The following SNX29 variants were observed in gnomAD, a reference collection of about 807,000 sequenced individuals.
The protein encoded by SNX29 is sorting nexin-29.
Under a neutral mutation model 102.1 loss-of-function variants are expected in SNX29, and 78 were observed. That is an observed-to-expected ratio of 0.76 (90% CI 0.64 to 0.92). SNX29 has a LOEUF of 0.92. SNX29 is among the 40% of genes least tolerant of loss of function. The pLI is 0.00. For missense variants in SNX29, 1,280 were observed against 1,061.7 expected, an observed-to-expected ratio of 1.21 and a Z score of -2.86; for synonymous variants, 580 against 414.5, an observed-to-expected ratio of 1.40 and a Z score of -4.85.
At position 12,009,479 on chromosome 16, in the gene SNX29, G is replaced by GTGTGTA. The variant is rs142139296; in HGVS notation, c.122+6437_122+6438insGTGTAT. On this transcript the variant is annotated intron_variant, in intron 3 of 20. Coordinates refer to ENST00000566228, the MANE Select transcript of SNX29 (RefSeq NM_032167.5). The stretch of plus-strand genomic sequence containing the variant: ...TATATATGTGTGTGTGTGTGTGTGT[G>GTGTGTA]TATATATATATATGTATATTTGATC... Among the ~76,000 whole-genome samples the GTGTGTA allele has an allele frequency of 3.5e-3, 527 of 150,004 alleles. 3 individuals are homozygous for GTGTGTA. Among genetic ancestry groups the GTGTGTA allele is most frequent in the Non-Finnish European group, 4.9e-3 (329 of 67,544 alleles).
At chr16:12,252,929 C>A (rs139741457) in intron 14 of SNX29, among the ~76,000 whole-genome samples, 15 of 152,360 alleles carry the variant, frequency 9.8e-5, no homozygotes, top group African/African-American at 3.1e-4. Flanking sequence ...TCCTTCATCG[C>A]AAGCCATCTT....
chr16:12,506,921 T>G (rs1461196808), intron 19 of SNX29, among the ~76,000 whole-genome samples: 1 of 151,200 alleles, frequency 6.6e-6, no homozygotes, highest in Non-Finnish European at 1.5e-5. Context: ...CGATCACCAC[T>G]CATTTTTGCA....
intron 19 of SNX29, among the ~76,000 whole-genome samples, chr16:12,523,570 T>G (rs1287098071): frequency 6.6e-6 from 1 of 152,130 alleles, no homozygotes; most frequent in African/African-American, 2.4e-5. Flanking sequence ...CAGGCCAACG[T>G]GACAGTGTGG....
At chr16:12,508,484 C>T (rs1401340979) in intron 19 of SNX29, among the ~76,000 whole-genome samples, 1 of 152,214 alleles carries the variant, frequency 6.6e-6, no homozygotes, top group South Asian at 2.1e-4. Context: ...TTGATCTGCA[C>T]TGTGATATTC....
intron 19 of SNX29, among the ~76,000 whole-genome samples, chr16:12,497,907 C>G (rs1262703421): frequency 6.6e-6 from 1 of 152,206 alleles, no homozygotes; most frequent in African/African-American, 2.4e-5. Flanking sequence ...GTCATTGGTT[C>G]ATCCCTGGAT....
chr16:12,556,963 T>A (rs539367211), intron 20 of SNX29, among the ~76,000 whole-genome samples: 1 of 144,890 alleles, frequency 6.9e-6, no homozygotes, highest in East Asian at 2.0e-4. Context: ...GTCTTCCCAC[T>A]TCTGCCTCAT....
intron 20 of SNX29, among the ~76,000 whole-genome samples, chr16:12,540,505 C>T (rs895885908): frequency 4.6e-5 from 7 of 152,230 alleles, no homozygotes; most frequent in African/African-American, 7.2e-5. Flanking sequence ...GGCGCCTTCT[C>T]GAGGTTGTGG....
At chr16:12,219,061 A>C (rs1359607664) in intron 14 of SNX29, among the ~76,000 whole-genome samples, 1 of 152,186 alleles carries the variant, frequency 6.6e-6, no homozygotes, top group Non-Finnish European at 1.5e-5. Context: ...GGTGTGAGCC[A>C]CCGCGCCTGG....
chr16:12,129,589 G>C (rs772765690), intron 12 of SNX29, 41 bp from the exon 13 acceptor site: 1 of 1,577,626 alleles, frequency 6.3e-7, no homozygotes, highest in East Asian at 2.3e-5. Context: ...AGTGGGGTCT[G>C]GGTTGACAGC....
At chr16:12,186,694 T>G (rs576306222) in intron 13 of SNX29, among the ~76,000 whole-genome samples, 4 of 152,230 alleles carry the variant, frequency 2.6e-5, no homozygotes, top group Admixed American at 6.5e-5. Context: ...CTCCACAGCT[T>G]CTTTGTCTTT....
chr16:12,043,055 C>T lies in SNX29; in HGVS notation c.406C>T (p.Leu136=). 6.2e-7 allele frequency: 1 copy of T among 1,613,430 alleles called. No individual in the cohort carries two copies. Among genetic ancestry groups the T allele is most frequent in the East Asian group, 2.2e-5 (1 of 44,880 alleles). ...CCTGGAGCGCTACCTGCACATGCTCCTGGCCGACCGCTGCAGGCTGAGGTA... is the reference window on the plus strand; with the variant it reads ...CCTGGAGCGCTACCTGCACATGCTCTTGGCCGACCGCTGCAGGCTGAGGTA... ...HSLERYLHML[L]ADRCRLSTFY... Residue 136 remains leucine (L), a synonymous_variant, in exon 5 of 21, where the codon CTG becomes TTG. Transcript: ENST00000566228.
intron 15 of SNX29, among the ~76,000 whole-genome samples, chr16:12,349,904 A>C (rs745821483): frequency 6.6e-6 from 1 of 152,214 alleles, no homozygotes; most frequent in Non-Finnish European, 1.5e-5. Flanking sequence ...AAAACTTTCA[A>C]TTCATTGCAG....
intron 20 of SNX29, among the ~76,000 whole-genome samples, chr16:12,530,196 T>C (rs1026102583): frequency 6.6e-6 from 1 of 152,012 alleles, no homozygotes; most frequent in African/African-American, 2.4e-5. Context: ...GATTTTGGAG[T>C]TGCTGATAGT....
rs1012217254 is a variant in SNX29, at chr16:12,161,153, G to A, written c.1595+31395G>A. Among the ~76,000 whole-genome samples, 6 of 152,210 alleles carry A rather than the reference G, an allele frequency of 3.9e-5. No homozygotes were observed. In the South Asian group the frequency reaches 1.0e-3, roughly 26 times the overall value. On this transcript the variant is annotated intron_variant, in intron 13 of 20. Transcript: ENST00000566228. The stretch of plus-strand genomic sequence containing the variant: ...GTCTGATACCTCGTCACGTTCTGCG[G>A]TTGATAATACTATCTCAATTCATGG...
chr16:12,563,012 C>G (rs75463789), intron 20 of SNX29, among the ~76,000 whole-genome samples: 2 of 151,808 alleles, frequency 1.3e-5, no homozygotes, highest in Admixed American at 6.5e-5. Flanking sequence ...ATGCGCCTTT[C>G]AAACCGTGTT....
At chr16:12,441,279 G>A (rs891000945) in intron 18 of SNX29, among the ~76,000 whole-genome samples, 12 of 151,636 alleles carry the variant, frequency 7.9e-5, no homozygotes, top group East Asian at 7.7e-4. Flanking sequence ...TGGTAGAGAC[G>A]GGGTTTCACT....
chr16:12,135,840 C>G, intron 13 of SNX29: 1 of 357,492 alleles, frequency 2.8e-6, no homozygotes, highest in Non-Finnish European at 5.4e-6. Flanking sequence ...TTCTCTGCAC[C>G]TAAGTAGACA....
chr16:11,995,347 G>A (rs1172999743), intron 1 of SNX29, among the ~76,000 whole-genome samples: 1 of 152,108 alleles, frequency 6.6e-6, no homozygotes, highest in African/African-American at 2.4e-5. Context: ...GATTATAGGT[G>A]TGAGCCACTG....
chr16:12,441,697 C>G (rs2085814986), intron 18 of SNX29, among the ~76,000 whole-genome samples: 1 of 152,136 alleles, frequency 6.6e-6, no homozygotes, highest in South Asian at 2.1e-4. Context: ...AATCCTTTGC[C>G]TACTTGAGGA....
Sources: allele counts gnomAD v4.1 joint callset (sites outside exome capture counted in the v4.1 genomes callset), GRCh38; gene constraint gnomAD v4.1.1; transcripts MANE v1.5; gene names NCBI Gene and HGNC (gene_info 2026-07-23, HGNC 2026-07-21).